The following RAB40C variants were observed in gnomAD, a reference collection of about 807,000 sequenced individuals.
RAB40C encodes RAB40C, member RAS oncogene family, also known as ras-related protein Rab-40C.
In RAB40C, 8 loss-of-function variants were observed where a neutral mutation model predicts 28.1. That is an observed-to-expected ratio of 0.28 (90% CI 0.17 to 0.51). The LOEUF is 0.51. Among genes scored for constraint, RAB40C ranks in the 20% least tolerant of loss-of-function variants. The probability of loss-of-function intolerance (pLI) is 0.97; values close to 1 mark genes in which losing one functional copy is unlikely to be tolerated. For missense variants in RAB40C, 288 were observed against 405.9 expected, an observed-to-expected ratio of 0.71 and a Z score of 2.50; for synonymous variants, 201 against 171.7, an observed-to-expected ratio of 1.17 and a Z score of -1.34.
At chr16:609,187 G>A (rs146602754) in intron 1 of RAB40C, among the ~76,000 whole-genome samples, 2 of 152,288 alleles carry the variant, frequency 1.3e-5, no homozygotes, top group Admixed American at 6.5e-5. Context: ...GTGCTGCCAC[G>A]GCTGGGTGAG....
intron 1 of RAB40C, 163 bp from the exon 2 acceptor site, chr16:617,045 C>A: frequency 1.4e-6 from 1 of 732,168 alleles, no homozygotes; most frequent in South Asian, 1.7e-5. Flanking sequence ...GTTGCTGGGC[C>A]AGAGCCCCGA....
At chr16:601,395 AG>A (rs921048522) in intron 1 of RAB40C, among the ~76,000 whole-genome samples, 2 of 152,140 alleles carry the variant, frequency 1.3e-5, no homozygotes, top group African/African-American at 4.8e-5. Flanking sequence ...CGGGAGCAAC[AG>A]TGTCCACACG....
chr16:618,112 A>T, intron 2 of RAB40C, 88 bp from the exon 3 acceptor site: 2 of 1,297,314 alleles, frequency 1.5e-6, no homozygotes, highest in South Asian at 2.5e-5. Context: ...TCCCCTCAGG[A>T]CATCCAGGTG....
Position 590,221 on chromosome 16 carries a change from C to G in RAB40C, c.-71C>G. On this transcript the variant is annotated 5_prime_UTR_variant, in exon 1 of 6. Transcript: ENST00000248139. ...AACGGGCGCAGGTGCGGGGCGCGGG[C>G]TCTCTCACGCCGCGGCCTCACCCGG... The G allele has an allele frequency of 3.4e-6, 4 of 1,171,870 alleles. No individual in the cohort carries two copies. The South Asian group carries it at 1.4e-4, about 41-fold the overall frequency. 72.6% of individuals were successfully genotyped at this position (1,171,870 alleles called of 1,614,324 possible). A position where few individuals can be genotyped will look rare whatever the true frequency, so the allele number is the denominator to read the frequency against.
intron 1 of RAB40C, among the ~76,000 whole-genome samples, chr16:604,489 G>A (rs80201629): frequency 4.1e-5 from 6 of 147,422 alleles, no homozygotes; most frequent in Non-Finnish European, 6.1e-5. Flanking sequence ...ATACACGTGA[G>A]TCCTTCTGAG....
At chr16:596,299 C>T in intron 1 of RAB40C, 1 of 456,112 alleles carries the variant, frequency 2.2e-6, no homozygotes, top group Non-Finnish European at 4.4e-6. Context: ...GTACTTTTGC[C>T]TCTTGTTCTA....
At chr16:619,472 C>T (rs938290532) in intron 3 of RAB40C, among the ~76,000 whole-genome samples, 1 of 152,222 alleles carries the variant, frequency 6.6e-6, no homozygotes, top group Non-Finnish European at 1.5e-5. Context: ...CTGACTGGAT[C>T]TGCTGGCGAA....
intron 2 of RAB40C, 40 bp downstream of exon 2, chr16:617,308 C>T (rs779858421): frequency 1.2e-6 from 2 of 1,609,140 alleles, no homozygotes; most frequent in Admixed American, 1.7e-5. Flanking sequence ...TGGGTGAGGA[C>T]ACAAATGCCG....
intron 1 of RAB40C, among the ~76,000 whole-genome samples, chr16:616,425 A>G (rs1260474385): frequency 1.3e-5 from 2 of 151,352 alleles, no homozygotes; most frequent in East Asian, 1.9e-4. Context: ...TGCAACCTCC[A>G]CCTCCCAGCT....
intron 1 of RAB40C, among the ~76,000 whole-genome samples, chr16:592,649 CA>C (rs1199258690): frequency 6.6e-6 from 1 of 152,236 alleles, no homozygotes; most frequent in Non-Finnish European, 1.5e-5. Flanking sequence ...AGCTTGGCTC[CA>C]GGGGCGCTGC....
At chr16:606,764 C>A (rs1178899757) in intron 1 of RAB40C, among the ~76,000 whole-genome samples, 1 of 152,234 alleles carries the variant, frequency 6.6e-6, no homozygotes, top group African/African-American at 2.4e-5. Context: ...GGGTGAAGTC[C>A]CTCTCATGCT....
chr16:608,236 T>G (rs1295248078), intron 1 of RAB40C, among the ~76,000 whole-genome samples: 3 of 152,266 alleles, frequency 2.0e-5, no homozygotes, highest in African/African-American at 7.2e-5. Context: ...AAGCCCCTCC[T>G]AAAACCATCA....
intron 5 of RAB40C, 30 bp from the exon 6 acceptor site, chr16:627,312 C>G: frequency 6.3e-7 from 1 of 1,599,120 alleles, no homozygotes; most frequent in East Asian, 2.2e-5. Flanking sequence ...CCCCACAGCC[C>G]CATGGTCTGA....
At position 627,764 on chromosome 16, in the gene RAB40C, C is replaced by T. The variant is rs1284777512; in HGVS notation, c.*142C>T. On this transcript the variant is annotated 3_prime_UTR_variant, in exon 6 of 6. Coordinates refer to ENST00000248139, the MANE Select transcript of RAB40C (RefSeq NM_021168.5). ...CGCCGGGCTTTCCTCACACCTGAGC[C>T]GGGTGCGAGGAGGAGCATGCACGGA... 1.1e-5 allele frequency: 12 copies of T among 1,115,120 alleles called. No individual in the cohort carries two copies. The highest frequency in any genetic ancestry group is 7.9e-5 in the African/African-American group (5 of 63,060). The allele number at this position is 1,115,120 out of a possible 1,614,324, so 69.1% of individuals were successfully genotyped here. A position where few individuals can be genotyped will look rare whatever the true frequency, so the allele number is the denominator to read the frequency against.
intron 3 of RAB40C, among the ~76,000 whole-genome samples, chr16:618,672 C>T (rs548487297): frequency 2.1e-5 from 3 of 145,866 alleles, no homozygotes; most frequent in Admixed American, 6.9e-5. Flanking sequence ...GTGTGGTGTA[C>T]TTGGAGCTGT....
intron 2 of RAB40C, among the ~76,000 whole-genome samples, chr16:617,580 C>T (rs536456704): frequency 2.0e-5 from 3 of 152,200 alleles, no homozygotes; most frequent in East Asian, 1.9e-4. Context: ...TGGTGGCTCA[C>T]GCCTGTCATC....
chr16:624,312 C>T, intron 3 of RAB40C: 3 of 985,462 alleles, frequency 3.0e-6, no homozygotes, highest in Non-Finnish European at 3.6e-6. Context: ...AGTCCCTGTG[C>T]CCCAACCTCC....
intron 1 of RAB40C, among the ~76,000 whole-genome samples, chr16:613,081 GCCGC>G: frequency 4.7e-5 from 5 of 107,318 alleles, no homozygotes; most frequent in African/African-American, 1.9e-4. Flanking sequence ...GCAAGGGACA[GCCGC>G]CCTGGCCTGT....
At position 618,185 on chromosome 16, in the gene RAB40C, C is replaced by G; in HGVS notation, c.204-15C>G. 1 of 1,611,280 alleles carries G rather than the reference C, an allele frequency of 6.2e-7. No individual in the cohort carries two copies. Among genetic ancestry groups the G allele is most frequent in the Non-Finnish European group, 8.5e-7 (1 of 1,179,154 alleles). On this transcript the variant is annotated splice_polypyrimidine_tract_variant and intron_variant, in intron 2 of 5. Transcript: ENST00000248139. Reference sequence around the variant, plus strand: ...GGACCACAGTCCCGGCCCCTCCCCTCCCCGTATGTTTCAGGGACACGTCGG... The same window carrying G: ...GGACCACAGTCCCGGCCCCTCCCCTGCCCGTATGTTTCAGGGACACGTCGG...
Sources: gnomAD v4.1 joint callset for allele counts (sites outside exome capture counted in the v4.1 genomes callset) on GRCh38, gnomAD v4.1.1 for gene constraint, MANE v1.5 for transcripts, NCBI Gene and HGNC (gene_info 2026-07-23, HGNC 2026-07-21) for gene names.